The following KIDINS220 variants were observed in gnomAD, a reference collection of about 807,000 sequenced individuals.
KIDINS220 encodes the protein kinase D interacting substrate 220.
Under a neutral mutation model 157.6 loss-of-function variants are expected in KIDINS220, and 63 were observed. The observed-to-expected ratio is 0.40, with a 90% CI of 0.33 to 0.49. The LOEUF is 0.49. Ranked by LOEUF, KIDINS220 falls within the 20% of genes least tolerant of loss-of-function variation. The pLI, the probability that KIDINS220 is intolerant of heterozygous loss-of-function variation, is 0.66. For missense variants in KIDINS220, 1,772 were observed against 2,171.2 expected (o/e 0.82, Z 3.65); for synonymous variants, 732 against 783.6 (o/e 0.93, Z 1.10).
At chr2:8,791,669 C>T (rs559606016) in intron 12 of KIDINS220, among the ~76,000 whole-genome samples, 1 of 151,874 alleles carries the variant, frequency 6.6e-6, no homozygotes, top group African/African-American at 2.4e-5. Flanking sequence ...CACAAATAAG[C>T]ATATAAAATA....
chr2:8,774,077 G>A (rs909636916), intron 21 of KIDINS220, among the ~76,000 whole-genome samples: 13 of 151,672 alleles, frequency 8.6e-5, no homozygotes, highest in African/African-American at 2.4e-4. Context: ...AGGCCGAGGC[G>A]GGCGGATCAG....
In KIDINS220 at chr2:8,757,745, A is replaced by G. The variant is rs762325519; in HGVS notation, c.3012-6101T>C. On this transcript the variant is annotated intron_variant, in intron 22 of 29. Transcript: ENST00000256707. The stretch of plus-strand genomic sequence containing the variant: ...ACATGGCAACTAACACTGACTTGGA[A>G]ATGCCAATTCGGTCTCGGTCACAAC... The G allele has an allele frequency of 3.1e-6, 5 of 1,612,266 alleles. No homozygotes were observed. In the East Asian group the frequency reaches 6.7e-5, roughly 22 times the overall value.
rs1164315836 is a variant in KIDINS220 at position 8,738,980 on chromosome 2, T to C, written c.3586-1981A>G. Among the ~76,000 whole-genome samples the C allele has an allele frequency of 2.0e-5, 3 of 152,174 alleles. 1 individual carries two copies. The highest frequency in any genetic ancestry group is 7.2e-5 in the African/African-American group (3 of 41,440). ...TTCAAAAATCCCGAAATCTCTCTAC[T>C]TCCGATTGTGCTAAAAACGACAAGT... On this transcript the variant is annotated intron_variant, in intron 26 of 29. Transcript: ENST00000256707.
Position 8,750,317 on chromosome 2 carries a change from T to C in KIDINS220, c.3209A>G (p.Glu1070Gly). The change falls in exon 24 of 30, where the codon GAG (glutamate) becomes GGG (glycine). Residue 1070 changes from glutamate (E) to glycine (G), a missense_variant. Coordinates refer to ENST00000256707, the MANE Select transcript of KIDINS220 (RefSeq NM_020738.4). ...CGCCAGTCCTCCAATACTGATCTGC[T>C]CTCTGGCAGCACGAACATCTGAAAG... ...EIIADVRAAR[E>G]QISIGGLAYP... The C allele has an allele frequency of 3.8e-6, 6 of 1,578,324 alleles. No homozygotes were observed. The highest frequency in any genetic ancestry group is 5.2e-6 in the Non-Finnish European group (6 of 1,158,784).
intron 5 of KIDINS220, 42 bp from the exon 6 acceptor site, chr2:8,812,535 A>T: frequency 8.7e-7 from 1 of 1,147,914 alleles, no homozygotes; most frequent in Non-Finnish European, 1.2e-6. Flanking sequence ...GATAAGTAGG[A>T]AGGAAGGAAA....
At chr2:8,749,692 G>C (rs1421060789) in intron 24 of KIDINS220, among the ~76,000 whole-genome samples, 2 of 151,986 alleles carry the variant, frequency 1.3e-5, no homozygotes, top group African/African-American at 4.8e-5. Flanking sequence ...AAAGACAAAG[G>C]TATATTAAGT....
In KIDINS220 at chr2:8,733,468, A is replaced by G. The variant is rs1358517542; in HGVS notation, c.4029T>C (p.Pro1343=). 11 of 1,613,894 alleles carry G rather than the reference A, an allele frequency of 6.8e-6. No homozygotes were observed. Among genetic ancestry groups the G allele is most frequent in the Non-Finnish European group, 9.3e-6 (11 of 1,179,936 alleles). The change falls in exon 29 of 30, where the codon CCT becomes CCC. Residue 1343 remains proline, a synonymous_variant. Transcript: ENST00000256707. ...LNTLGLDEGA[P]RHSNLSWQSQ... ...CCTGCCAACTTAGATTACTGTGACG[A>G]GGGGCACCTTCATCCAGGCCAAGCG...
At chr2:8,816,056 G>T (rs1677037467) in intron 4 of KIDINS220, among the ~76,000 whole-genome samples, 1 of 152,066 alleles carries the variant, frequency 6.6e-6, no homozygotes, top group Non-Finnish European at 1.5e-5. Flanking sequence ...TAGCTACTAA[G>T]AGAGACATGG....
intron 29 of KIDINS220, among the ~76,000 whole-genome samples, chr2:8,732,906 T>C (rs570537760): frequency 1.3e-5 from 2 of 152,252 alleles, no homozygotes; most frequent in South Asian, 4.2e-4. Context: ...CTTTGCTCTG[T>C]CCCTGCCCCT....
intron 26 of KIDINS220, among the ~76,000 whole-genome samples, chr2:8,744,402 ATATAT>A (rs1666237776): frequency 2.1e-3 from 7 of 3,394 alleles, no homozygotes; most frequent in African/African-American, 5.2e-3. Flanking sequence ...TATATATATA[ATATAT>A]ATATATATAT....
At chr2:8,799,777 T>G (rs978913529) in intron 9 of KIDINS220, among the ~76,000 whole-genome samples, 6 of 152,234 alleles carry the variant, frequency 3.9e-5, no homozygotes, top group Non-Finnish European at 8.8e-5. Context: ...AGCAGAAATG[T>G]AGACTGTCCA....
At chr2:8,793,741 A>AT in intron 12 of KIDINS220, 69 bp downstream of exon 12, 1 of 1,415,546 alleles carries the variant, frequency 7.1e-7, no homozygotes, top group East Asian at 2.4e-5. Context: ...GCCTGGCCTT[A>AT]TTTTCCATAT....
Position 8,729,874 on chromosome 2 carries a change from G to GA in KIDINS220, c.*845dup. The GA allele has an allele frequency of 3.0e-6, 3 of 984,878 alleles. No homozygotes were observed. The highest frequency in any genetic ancestry group is 3.6e-6 in the Non-Finnish European group (3 of 829,698). 61.0% of individuals were successfully genotyped at this position (984,878 alleles called of 1,614,324 possible). A position where few individuals can be genotyped will look rare whatever the true frequency, so the allele number is the denominator to read the frequency against. ...TTACCCATGTCTCCCTGATTTTCCA[G>GA]AAAAAGAATTCATGTTTTTTTTTCT... is the stretch of plus-strand genomic sequence containing the variant. On this transcript the variant is annotated 3_prime_UTR_variant, in exon 30 of 30. Coordinates refer to ENST00000256707, the MANE Select transcript of KIDINS220 (RefSeq NM_020738.4).
rs534532171 is a variant in KIDINS220 at position 8,764,280 on chromosome 2, C to T, written c.3011+6390G>A. ...GAGGAAGGCTAGGGAAAAAAAACTA[C>T]ATATTGGGTACAATCCACACTACTT... On this transcript the variant is annotated intron_variant, in intron 22 of 29. Coordinates refer to ENST00000256707, the MANE Select transcript of KIDINS220 (RefSeq NM_020738.4). Among the ~76,000 whole-genome samples, 45 of 152,248 alleles carry T rather than the reference C, an allele frequency of 3.0e-4. 1 individual carries two copies. Among genetic ancestry groups the T allele is most frequent in the African/African-American group, 1.1e-3 (45 of 41,540 alleles).
At position 8,817,599 on chromosome 2, in the gene KIDINS220, C is replaced by T. The variant is rs575700298; in HGVS notation, c.306+19G>A. ...AAATAAGATTTCAGCTAATTAAGAACATATAAAAATGTCCATACCATATCA... is the reference window on the plus strand; with the variant it reads ...AAATAAGATTTCAGCTAATTAAGAATATATAAAAATGTCCATACCATATCA... On this transcript the variant is annotated intron_variant, in intron 4 of 29. Coordinates refer to ENST00000256707, the MANE Select transcript of KIDINS220 (RefSeq NM_020738.4). 10 of 1,376,276 alleles carry T rather than the reference C, an allele frequency of 7.3e-6. No homozygotes were observed. In the African/African-American group the frequency reaches 1.4e-4, roughly 20 times the overall value. The allele number at this position is 1,376,276 out of a possible 1,614,324, so 85.3% of individuals were successfully genotyped here. A position where few individuals can be genotyped will look rare whatever the true frequency, so the allele number is the denominator to read the frequency against.
intron 7 of KIDINS220, 115 bp downstream of exon 7, chr2:8,806,156 T>C (rs1675423102): frequency 1.5e-6 from 1 of 689,578 alleles, no homozygotes. Flanking sequence ...TTCCTGTTAC[T>C]ATCATTTTAG....
In KIDINS220 at chr2:8,790,058, G is replaced by A. The variant is rs775820409; in HGVS notation, c.1443C>T (p.Asp481=). The A allele has an allele frequency of 2.0e-5, 31 of 1,584,394 alleles. No homozygotes were observed. The South Asian group carries it at 2.5e-4, about 13-fold the overall frequency. Residue 481 remains aspartate, a splice_region_variant and synonymous_variant, in exon 14 of 30, where the codon GAC becomes GAT. Transcript: ENST00000256707. ...GKSFLLKKLE[D]EMKTFAGQQI... Reference sequence around the variant, plus strand: ...GTTGTCCGGCGAAGGTTTTCATTTCGTCTGAAAGAGAATTTAATACGAAAC... The same window carrying A: ...GTTGTCCGGCGAAGGTTTTCATTTCATCTGAAAGAGAATTTAATACGAAAC...
chr2:8,760,857 T>C (rs1054108685), intron 22 of KIDINS220, among the ~76,000 whole-genome samples: 4 of 152,088 alleles, frequency 2.6e-5, no homozygotes, highest in Admixed American at 1.3e-4. Context: ...GTCTAAAAAA[T>C]AGTGTATTAC....
chr2:8,829,506 T>C, intron 1 of KIDINS220, among the ~76,000 whole-genome samples: 1 of 152,062 alleles, frequency 6.6e-6, no homozygotes, highest in East Asian at 1.9e-4. Flanking sequence ...ATTTTATCCA[T>C]AAGAACAAAA....
Sources: allele counts gnomAD v4.1 joint callset (sites outside exome capture counted in the v4.1 genomes callset), GRCh38; gene constraint gnomAD v4.1.1; transcripts MANE v1.5; gene names NCBI Gene and HGNC (gene_info 2026-07-23, HGNC 2026-07-21).